Variants in CLVS1 observed in about 807,000 individuals in gnomAD.
The protein encoded by CLVS1 is clavesin 1, also known as clavesin-1.
Under a neutral mutation model 33.1 loss-of-function variants are expected in CLVS1, and 10 were observed. The ratio of observed to expected loss-of-function variants is 0.30; its 90% CI spans 0.19 to 0.51. CLVS1 has a LOEUF of 0.51. Ranked by LOEUF, CLVS1 falls within the 20% of genes least tolerant of loss-of-function variation. The pLI is 0.97. For missense variants in CLVS1, 343 were observed against 433.4 expected (o/e 0.79, Z 1.85); for synonymous variants, 163 against 166.1 (o/e 0.98, Z 0.14).
chr8:61,368,784 A>T (rs1813315071), intron 2 of CLVS1, among the ~76,000 whole-genome samples: 1 of 152,224 alleles, frequency 6.6e-6, no homozygotes, highest in African/African-American at 2.4e-5. Context: ...ATTTCTAAAA[A>T]TCTGATGCTG....
At chr8:60,996,230 C>G in the CLVS1 span, among the ~76,000 whole-genome samples, 6 of 152,164 alleles carry the variant, frequency 3.9e-5, no homozygotes, top group African/African-American at 9.7e-5. Context: ...ATCTCCTTAG[C>G]CTACATATTA....
At chr8:61,066,771 GAC>G (rs1326474359) in intron 1 of CLVS1, among the ~76,000 whole-genome samples, 1 of 152,204 alleles carries the variant, frequency 6.6e-6, no homozygotes, top group Non-Finnish European at 1.5e-5. Context: ...AAATGTCAAT[GAC>G]ACACAACATT....
intron 2 of CLVS1, among the ~76,000 whole-genome samples, chr8:61,250,404 C>A (rs1189453184): frequency 1.3e-5 from 2 of 152,106 alleles, no homozygotes; most frequent in African/African-American, 2.4e-5. Flanking sequence ...AATGTGGGCT[C>A]TTTTTTGGTT....
chr8:61,061,860 G>T (rs898052151), intron 1 of CLVS1, among the ~76,000 whole-genome samples: 1 of 151,886 alleles, frequency 6.6e-6, no homozygotes, highest in African/African-American at 2.4e-5. Context: ...TTGAGGTATA[G>T]CTCCATTCAG....
At chr8:61,157,680 T>TAA (rs1806677020) in intron 2 of CLVS1, among the ~76,000 whole-genome samples, 1 of 151,504 alleles carries the variant, frequency 6.6e-6, no homozygotes, top group Non-Finnish European at 1.5e-5. Context: ...ATCTAGTATA[T>TAA]AAAGAACTCC....
the CLVS1 span, among the ~76,000 whole-genome samples, chr8:61,033,161 A>AAGAAAGAG: frequency 1.1e-5 from 1 of 92,128 alleles, no homozygotes; most frequent in Non-Finnish European, 2.3e-5. Flanking sequence ...GAAAGAAAGA[A>AAGAAAGAG]AAAGAAAGAA....
chr8:61,487,407 G>A (rs1415911672), intron 5 of CLVS1, among the ~76,000 whole-genome samples: 5 of 152,230 alleles, frequency 3.3e-5, no homozygotes, highest in Admixed American at 2.6e-4. Context: ...ACTTACCTCA[G>A]ATCACAGAGC....
chr8:61,030,010 A>G, the CLVS1 span, among the ~76,000 whole-genome samples: 2 of 152,188 alleles, frequency 1.3e-5, no homozygotes, highest in Admixed American at 6.5e-5. Context: ...CAAGAGTCCC[A>G]GGCGCCACTG....
intron 2 of CLVS1, among the ~76,000 whole-genome samples, chr8:61,145,841 C>T (rs914612474): frequency 1.3e-5 from 2 of 152,154 alleles, no homozygotes; most frequent in Admixed American, 6.5e-5. Flanking sequence ...GCCTCTTCTC[C>T]ATGCATTTGA....
intron 3 of CLVS1, among the ~76,000 whole-genome samples, chr8:61,429,559 A>G (rs1816033389): frequency 6.6e-6 from 1 of 151,930 alleles, no homozygotes; most frequent in African/African-American, 2.4e-5. Flanking sequence ...AGATCTAATC[A>G]CCTCTTAAAG....
intron 2 of CLVS1, among the ~76,000 whole-genome samples, chr8:61,205,814 G>A (rs1174900618): frequency 6.6e-6 from 1 of 152,158 alleles, no homozygotes; most frequent in Admixed American, 6.5e-5. Flanking sequence ...GGGTGTGAGA[G>A]AAGAATGTTC....
rs1213651504 is a variant in CLVS1, at chr8:61,500,810, A to AAAAT, written c.*1270_*1273dup. ...AATATTTTAGTTAATAATGGGCAGT[A>AAAAT]AAATATGATTTTACATTATTTTAAA... is the stretch of plus-strand genomic sequence containing the variant. On this transcript the variant is annotated 3_prime_UTR_variant, in exon 6 of 6. Transcript: ENST00000325897. 1 of 152,236 alleles carries AAAAT rather than the reference A, an allele frequency of 6.6e-6. No homozygotes were observed. Among genetic ancestry groups the AAAAT allele is most frequent in the African/African-American group, 2.4e-5 (1 of 41,470 alleles). 9.4% of individuals were successfully genotyped at this position (152,236 alleles called of 1,614,324 possible). A position where few individuals can be genotyped will look rare whatever the true frequency, so the allele number is the denominator to read the frequency against.
intron 2 of CLVS1, among the ~76,000 whole-genome samples, chr8:61,141,295 C>T (rs1806304279): frequency 6.6e-6 from 1 of 152,090 alleles, no homozygotes; most frequent in African/African-American, 2.4e-5. Context: ...AACATTGAGA[C>T]AAATGGAGCC....
In CLVS1 at chr8:61,190,377, T is replaced by C. The variant is rs905632740; in HGVS notation, c.-152+58517T>C. Among the ~76,000 whole-genome samples, 8 of 152,310 alleles carry C rather than the reference T, an allele frequency of 5.3e-5. No individual in the cohort carries two copies. In the East Asian group the frequency reaches 1.5e-3, roughly 29 times the overall value. The stretch of plus-strand genomic sequence containing the variant: ...TCTCTGGGACACATTTAAAGCAGTG[T>C]GTAGAGGGAAATTTATAGCACTAAA... On this transcript the variant is annotated intron_variant, in intron 2 of 2. Transcript: ENST00000522621.
intron 3 of CLVS1, among the ~76,000 whole-genome samples, chr8:61,408,542 G>T (rs1257563536): frequency 6.6e-6 from 1 of 152,146 alleles, no homozygotes; most frequent in Non-Finnish European, 1.5e-5. Flanking sequence ...GGTTTTGTGT[G>T]CCTCTAGCAA....
the CLVS1 span, among the ~76,000 whole-genome samples, chr8:61,034,571 T>G: frequency 1.2e-4 from 18 of 152,146 alleles, no homozygotes; most frequent in Admixed American, 9.8e-4. Flanking sequence ...CCTCTCTGCT[T>G]GTATGCATTC....
intron 2 of CLVS1, among the ~76,000 whole-genome samples, chr8:61,175,309 T>C (rs1294216312): frequency 6.6e-6 from 1 of 152,186 alleles, no homozygotes; most frequent in Admixed American, 6.5e-5. Flanking sequence ...AGAGCTGACT[T>C]GTGCTTCTAT....
chr8:61,057,208 A>G (rs1224596506), exon 1 of CLVS1: 1 of 152,252 alleles, frequency 6.6e-6, no homozygotes, highest in Non-Finnish European at 1.5e-5. Flanking sequence ...TCAAGAGGAC[A>G]GCCCACGTCT....
At chr8:61,230,726 G>A (rs886073887) in intron 2 of CLVS1, among the ~76,000 whole-genome samples, 9 of 152,210 alleles carry the variant, frequency 5.9e-5, no homozygotes, top group African/African-American at 2.2e-4. Flanking sequence ...CATGTGTCTT[G>A]TTCTATTTGG....
Sources: gnomAD v4.1 joint callset for allele counts (sites outside exome capture counted in the v4.1 genomes callset) on GRCh38, gnomAD v4.1.1 for gene constraint, MANE v1.5 for transcripts, NCBI Gene and HGNC (gene_info 2026-07-23, HGNC 2026-07-21) for gene names.